CRB1: variants seen among roughly 807,000 people sequenced by gnomAD.
CRB1 encodes crumbs cell polarity complex component 1.
In CRB1, 83 loss-of-function variants were observed where a neutral mutation model predicts 120.0. The ratio of observed to expected loss-of-function variants is 0.69; its 90% CI spans 0.58 to 0.83. CRB1 has a LOEUF of 0.83. CRB1 is among the 40% of genes least tolerant of loss of function. The pLI, the probability that CRB1 is intolerant of heterozygous loss-of-function variation, is 0.00. For synonymous variants in CRB1, 625 were observed against 612.5 expected, an observed-to-expected ratio of 1.02 and a Z score of -0.30; for missense variants, 1,699 against 1,687.6, an observed-to-expected ratio of 1.01 and a Z score of -0.12.
chr1:197,205,356 C>T, the CRB1 span, among the ~76,000 whole-genome samples: 6 of 152,080 alleles, frequency 3.9e-5, no homozygotes, highest in Non-Finnish European at 8.8e-5. Flanking sequence ...TCAACTTTTC[C>T]CCATTCAATA....
At chr1:197,447,465 G>C (rs1013461228) in intron 11 of CRB1, 1 of 152,100 alleles carries the variant, frequency 6.6e-6, no homozygotes. Context: ...CAAGTCACAG[G>C]TTCTATCTAC....
intron 5 of CRB1, among the ~76,000 whole-genome samples, chr1:197,420,720 T>C (rs967095368): frequency 1.3e-5 from 2 of 152,344 alleles, no homozygotes; most frequent in East Asian, 1.9e-4. Flanking sequence ...GTGCTGCATG[T>C]ATATCTGACA....
At chr1:197,321,172 T>G (rs75284396) in intron 1 of CRB1, among the ~76,000 whole-genome samples, 1 of 152,190 alleles carries the variant, frequency 6.6e-6, no homozygotes, top group East Asian at 1.9e-4. Flanking sequence ...CATAGGGCTA[T>G]GCACATGAGC....
At chr1:197,416,387 C>G (rs770332297) in intron 5 of CRB1, among the ~76,000 whole-genome samples, 1 of 152,116 alleles carries the variant, frequency 6.6e-6, no homozygotes, top group African/African-American at 2.4e-5. Flanking sequence ...CATATATTAT[C>G]GACATCTGCT....
intron 1 of CRB1, among the ~76,000 whole-genome samples, chr1:197,306,964 T>G (rs890920959): frequency 6.6e-6 from 1 of 152,224 alleles, no homozygotes; most frequent in African/African-American, 2.4e-5. Flanking sequence ...TTGTGTGGCC[T>G]GACCATTTTT....
chr1:197,309,022 T>C (rs1456855497), intron 1 of CRB1, among the ~76,000 whole-genome samples: 1 of 151,364 alleles, frequency 6.6e-6, no homozygotes, highest in African/African-American at 2.4e-5. Flanking sequence ...TATATATGTA[T>C]ATACACAAAC....
chr1:197,377,448 C>T (rs149244436), intron 5 of CRB1, among the ~76,000 whole-genome samples: 64 of 152,296 alleles, frequency 4.2e-4, no homozygotes, highest in African/African-American at 1.5e-3. Flanking sequence ...ACCCACATGT[C>T]AGGTAAAGTT....
In CRB1 at chr1:197,435,114, A is replaced by G. The variant is rs774508464; in HGVS notation, c.3251A>G (p.Asp1084Gly). The G allele has an allele frequency of 6.2e-7, 1 of 1,613,952 alleles. No individual in the cohort carries two copies. The highest frequency in any genetic ancestry group is 1.1e-5 in the South Asian group (1 of 91,076). Reference sequence around the variant, plus strand: ...GATAATACAGATATTTATGTGGGAGACAGAGCTATTGACAATATAAAGGGC... The same window carrying G: ...GATAATACAGATATTTATGTGGGAGGCAGAGCTATTGACAATATAAAGGGC... ...LKDNTDIYVG[D>G]RAIDNIKGLQ... The change falls in exon 9 of 12, where the codon GAC (aspartate) becomes GGC (glycine). Residue 1084 changes from aspartate (D) to glycine (G), a missense_variant. Asp to Gly is a moderately conservative substitution (Grantham distance 94). Transcript: ENST00000367400.
intron 1 of CRB1, among the ~76,000 whole-genome samples, chr1:197,325,848 C>T (rs907081700): frequency 6.6e-5 from 10 of 152,118 alleles, no homozygotes; most frequent in African/African-American, 2.4e-4. Context: ...GCTACTTTAA[C>T]CCAGATATGA....
the CRB1 span, among the ~76,000 whole-genome samples, chr1:197,247,788 C>G: frequency 6.6e-6 from 1 of 152,000 alleles, no homozygotes; most frequent in African/African-American, 2.4e-5. Flanking sequence ...TTTGTTTAGT[C>G]TGTAAAATGT....
chr1:197,402,483 T>C (rs1337702319), intron 5 of CRB1, among the ~76,000 whole-genome samples: 1 of 152,214 alleles, frequency 6.6e-6, no homozygotes, highest in African/African-American at 2.4e-5. Context: ...TATTTAGATG[T>C]ATGTCGTTTA....
intron 1 of CRB1, among the ~76,000 whole-genome samples, chr1:197,285,277 A>T (rs555698290): frequency 3.3e-5 from 5 of 152,036 alleles, no homozygotes; most frequent in African/African-American, 9.6e-5. Context: ...TATAATAAAT[A>T]ACCATGAATT....
chr1:197,349,487 G>A (rs1659965918), intron 4 of CRB1, among the ~76,000 whole-genome samples: 1 of 151,996 alleles, frequency 6.6e-6, no homozygotes, highest in Non-Finnish European at 1.5e-5. Context: ...ATTACTCAAG[G>A]CCTAGTTATA....
the CRB1 span, among the ~76,000 whole-genome samples, chr1:197,256,932 CGTGTGTGTGTGTGTGTGTGTGTGT>C: frequency 7.1e-6 from 1 of 141,400 alleles, no homozygotes; most frequent in Non-Finnish European, 1.5e-5. Context: ...ATAGGATTTG[CGTGTGTGTGTGTGTGTGTGTGTGT>C]GTGTGTGTGT....
At chr1:197,458,334 T>TC (rs1666374404) in intron 11 of CRB1, among the ~76,000 whole-genome samples, 1 of 151,956 alleles carries the variant, frequency 6.6e-6, no homozygotes, top group Non-Finnish European at 1.5e-5. Flanking sequence ...GCCCCAAAAG[T>TC]GCCATTAAGA....
intron 5 of CRB1, among the ~76,000 whole-genome samples, chr1:197,397,039 G>C (rs911870962): frequency 3.3e-5 from 5 of 151,898 alleles, no homozygotes; most frequent in Admixed American, 6.6e-5. Context: ...TGCAAAACAT[G>C]TTTTTTCTTA....
chr1:197,399,226 T>TAACA (rs950775793), intron 5 of CRB1, among the ~76,000 whole-genome samples: 44 of 152,194 alleles, frequency 2.9e-4, no homozygotes, highest in Non-Finnish European at 2.4e-4. Flanking sequence ...GTCACATTTA[T>TAACA]AACACTCTAA....
At chr1:197,455,591 T>C (rs563296330) in intron 11 of CRB1, among the ~76,000 whole-genome samples, 51 of 152,266 alleles carry the variant, frequency 3.3e-4, no homozygotes, top group African/African-American at 1.2e-3. Flanking sequence ...CATTGCTAAA[T>C]TTTTTCTTGT....
chr1:197,280,341 G>A (rs1571757023), intron 1 of CRB1, among the ~76,000 whole-genome samples: 1 of 151,882 alleles, frequency 6.6e-6, no homozygotes, highest in East Asian at 1.9e-4. Context: ...AAGCTTGTAA[G>A]TAGGTTCCAC....
Sources: allele counts gnomAD v4.1 joint callset (sites outside exome capture counted in the v4.1 genomes callset), GRCh38; gene constraint gnomAD v4.1.1; transcripts MANE v1.5; gene names NCBI Gene and HGNC (gene_info 2026-07-23, HGNC 2026-07-21).